Variants in PRRX1 observed in about 807,000 individuals in gnomAD.
The protein encoded by PRRX1 is paired related homeobox 1.
PRRX1 carries 8 observed loss-of-function variants against 24.0 expected under a neutral mutation model. The observed-to-expected ratio is 0.33, with a 90% CI of 0.20 to 0.60. PRRX1 has a LOEUF of 0.60. Among genes scored for constraint, PRRX1 ranks in the 20% least tolerant of loss-of-function variants. PRRX1 has a pLI of 0.82. For missense variants in PRRX1, 281 were observed against 322.4 expected (o/e 0.87, Z 0.98); for synonymous variants, 160 against 131.7 (o/e 1.22, Z -1.47).
At chr1:170,666,534 A>G (rs536112396) in intron 1 of PRRX1, among the ~76,000 whole-genome samples, 1 of 152,026 alleles carries the variant, frequency 6.6e-6, no homozygotes, top group African/African-American at 2.4e-5. Flanking sequence ...TAATTGCAAC[A>G]TTTACCACTG....
At chr1:170,684,490 T>C (rs576874074) in intron 1 of PRRX1, among the ~76,000 whole-genome samples, 1 of 152,240 alleles carries the variant, frequency 6.6e-6, no homozygotes, top group Non-Finnish European at 1.5e-5. Flanking sequence ...GGATGGCTCA[T>C]GCCTGTAATC....
Position 170,739,031 on chromosome 1 carries a change from T to A in PRRX1, c.*2845T>A, listed in dbSNP as rs1655712014. ...TATTATCAAATTTTTAAAATACAAG[T>A]TTGGTATGTGATTTGGAAAAGATGC... On this transcript the variant is annotated 3_prime_UTR_variant, in exon 4 of 4. Transcript: ENST00000239461. 1 of 220,024 alleles carries A rather than the reference T, an allele frequency of 4.5e-6. No individual in the cohort carries two copies. The highest frequency in any genetic ancestry group is 9.1e-6 in the Non-Finnish European group (1 of 109,830). 13.6% of individuals were successfully genotyped at this position (220,024 alleles called of 1,614,324 possible).
chr1:170,706,712 A>C (rs1654581723), intron 1 of PRRX1, among the ~76,000 whole-genome samples: 1 of 152,200 alleles, frequency 6.6e-6, no homozygotes, highest in Non-Finnish European at 1.5e-5. Context: ...TTTTGATATA[A>C]AAAATGGGTT....
At chr1:170,677,578 G>T (rs78859386) in intron 1 of PRRX1, among the ~76,000 whole-genome samples, 1 of 152,130 alleles carries the variant, frequency 6.6e-6, no homozygotes, top group African/African-American at 2.4e-5. Flanking sequence ...AGGAATATTT[G>T]CATATTCCAA....
In PRRX1 at chr1:170,719,835, C is replaced by T. The variant is rs752202563; in HGVS notation, c.351C>T (p.His117=). 6.2e-7 allele frequency: 1 copy of T among 1,614,214 alleles called. No individual in the cohort carries two copies. Residue 117 remains histidine (H), a synonymous_variant, in exon 2 of 4, where the codon CAC becomes CAT. Transcript: ENST00000239461. ...QALERVFERT[H]YPDAFVREDL... Reference sequence around the variant, plus strand: ...TGGAGCGTGTCTTTGAGCGGACACACTATCCTGATGCTTTTGTGCGAGAAG... The same window carrying T: ...TGGAGCGTGTCTTTGAGCGGACACATTATCCTGATGCTTTTGTGCGAGAAG...
intron 1 of PRRX1, among the ~76,000 whole-genome samples, chr1:170,673,166 T>C (rs1057155720): frequency 6.6e-6 from 1 of 152,244 alleles, no homozygotes; most frequent in Non-Finnish European, 1.5e-5. Flanking sequence ...AGCTAACTCA[T>C]AAATATATGA....
At chr1:170,672,191 A>G (rs1653165649) in intron 1 of PRRX1, among the ~76,000 whole-genome samples, 1 of 152,194 alleles carries the variant, frequency 6.6e-6, no homozygotes, top group Non-Finnish European at 1.5e-5. Context: ...GAGTTTCAAG[A>G]GACTCACAGG....
intron 1 of PRRX1, among the ~76,000 whole-genome samples, chr1:170,665,757 A>G (rs972929224): frequency 6.6e-6 from 1 of 152,272 alleles, no homozygotes; most frequent in Non-Finnish European, 1.5e-5. Flanking sequence ...GGTGTGCTCA[A>G]GACGCCTGGT....
intron 1 of PRRX1, among the ~76,000 whole-genome samples, chr1:170,715,524 G>C (rs1397075813): frequency 6.6e-6 from 1 of 152,086 alleles, no homozygotes; most frequent in Non-Finnish European, 1.5e-5. Flanking sequence ...TATCAGAAAA[G>C]GTTTATAGAG....
At position 170,736,906 on chromosome 1, in the gene PRRX1, T is replaced by C. The variant is rs1273420207; in HGVS notation, c.*720T>C. The C allele has an allele frequency of 5.0e-6, 1 of 199,266 alleles. No individual in the cohort carries two copies. Among genetic ancestry groups the C allele is most frequent in the Non-Finnish European group, 1.0e-5 (1 of 96,176 alleles). The allele number at this position is 199,266 out of a possible 1,614,324, so 12.3% of individuals were successfully genotyped here. A position where few individuals can be genotyped will look rare whatever the true frequency, so the allele number is the denominator to read the frequency against. ...TTTAAGCTTGAAGCTACAGATTATA[T>C]CACTATCACCACCACCCCTCACCCT... On this transcript the variant is annotated 3_prime_UTR_variant, in exon 4 of 4. Coordinates refer to ENST00000239461, the MANE Select transcript of PRRX1 (RefSeq NM_022716.4).
chr1:170,709,558 G>A (rs1240030117), intron 1 of PRRX1, among the ~76,000 whole-genome samples: 1 of 151,914 alleles, frequency 6.6e-6, no homozygotes, highest in African/African-American at 2.4e-5. Context: ...TGGCTCTGAT[G>A]GTCACCAAGT....
At chr1:170,720,273 G>C (rs1655041714) in intron 2 of PRRX1, among the ~76,000 whole-genome samples, 1 of 152,042 alleles carries the variant, frequency 6.6e-6, no homozygotes, top group Non-Finnish European at 1.5e-5. Flanking sequence ...GTGAGACCCT[G>C]ACTCAAAAAT....
chr1:170,675,590 G>A (rs1368340892), intron 1 of PRRX1, among the ~76,000 whole-genome samples: 1 of 152,272 alleles, frequency 6.6e-6, no homozygotes, highest in East Asian at 1.9e-4. Context: ...ACATGATAGT[G>A]TGGTTTGACA....
At chr1:170,690,586 A>T (rs541242029) in intron 1 of PRRX1, among the ~76,000 whole-genome samples, 2 of 152,094 alleles carry the variant, frequency 1.3e-5, no homozygotes, top group African/African-American at 4.8e-5. Flanking sequence ...TAGTTTTTGA[A>T]TTTGAAAATG....
chr1:170,669,434 A>AAAAAAAAAAAAAAAAAAAAAAAAAC (rs1653066167), intron 1 of PRRX1: 1 of 133,770 alleles, frequency 7.5e-6, no homozygotes, highest in Non-Finnish European at 1.6e-5. Context: ...GCAAAAAAAA[A>AAAAAAAAAAAAAAAAAAAAAAAAAC]AAAAAAAAAA....
Position 170,664,396 on chromosome 1 carries a change from G to A in PRRX1, c.178G>A (p.Ala60Thr). ...ACAGGCGGATGAGAACGTGGGCGAGGCTGGCCGGAGCCTGCTGGAGTCGCC... is the reference window on the plus strand; with the variant it reads ...ACAGGCGGATGAGAACGTGGGCGAGACTGGCCGGAGCCTGCTGGAGTCGCC... ...AAQADENVGE[A>T]GRSLLESPGL... The change falls in exon 1 of 4, where the codon GCT (alanine) becomes ACT (threonine). Residue 60 changes from alanine to threonine, a missense_variant. Physicochemically the swap from Ala to Thr is moderately conservative, Grantham distance 58. Coordinates refer to ENST00000239461, the MANE Select transcript of PRRX1 (RefSeq NM_022716.4). The A allele has an allele frequency of 1.2e-6, 2 of 1,612,832 alleles. No homozygotes were observed. The highest frequency in any genetic ancestry group is 1.1e-5 in the South Asian group (1 of 90,844).
chr1:170,712,665 T>A (rs946581808), intron 1 of PRRX1, among the ~76,000 whole-genome samples: 3 of 152,192 alleles, frequency 2.0e-5, no homozygotes, highest in Non-Finnish European at 2.9e-5. Flanking sequence ...ATTTATTAAA[T>A]TTTCAAATGA....
chr1:170,689,667 A>C (rs1293561338), intron 1 of PRRX1, among the ~76,000 whole-genome samples: 1 of 152,066 alleles, frequency 6.6e-6, no homozygotes, highest in Non-Finnish European at 1.5e-5. Flanking sequence ...AGCTTTAAAA[A>C]AATCGTTTTC....
intron 1 of PRRX1, among the ~76,000 whole-genome samples, chr1:170,694,296 C>A (rs1654089052): frequency 6.6e-6 from 1 of 152,130 alleles, no homozygotes; most frequent in South Asian, 2.1e-4. Flanking sequence ...TATAAATGAT[C>A]AAACCAAACC....
Sources: allele counts gnomAD v4.1 joint callset (sites outside exome capture counted in the v4.1 genomes callset), GRCh38; gene constraint gnomAD v4.1.1; transcripts MANE v1.5; gene names NCBI Gene and HGNC (gene_info 2026-07-23, HGNC 2026-07-21).